Variants in KLF17 observed in about 807,000 individuals in gnomAD.
The protein encoded by KLF17 is KLF transcription factor 17.
In KLF17, 31 loss-of-function variants were observed where a neutral mutation model predicts 34.2. The ratio of observed to expected loss-of-function variants is 0.91; its 90% CI spans 0.68 to 1.22. The LOEUF is 1.22. KLF17 is among the 50% of genes most tolerant of loss of function. The pLI, the probability that KLF17 is intolerant of heterozygous loss-of-function variation, is 0.00. For missense variants in KLF17, 478 were observed against 505.2 expected (o/e 0.95, Z 0.52); for synonymous variants, 179 against 186.7 (o/e 0.96, Z 0.34).
the KLF17 span, among the ~76,000 whole-genome samples, chr1:44,069,512 G>GAGAGAAAGA: frequency 1.7e-5 from 2 of 114,548 alleles, no homozygotes; most frequent in African/African-American, 8.1e-5. The surrounding 1 kb of genome is among the most constrained non-coding windows in gnomAD (Gnocchi z 4.7). Flanking sequence ...GAGAGAGAGA[G>GAGAGAAAGA]AAGACAGGAG....
At chr1:44,080,713 A>ATTTTTTTTTTTTTT in the KLF17 span, among the ~76,000 whole-genome samples, 1 of 92,674 alleles carries the variant, frequency 1.1e-5, no homozygotes, top group African/African-American at 4.8e-5. Flanking sequence ...ATTATATTGA[A>ATTTTTTTTTTTTTT]TTTTTTTTTT....
the KLF17 span, among the ~76,000 whole-genome samples, chr1:44,113,530 G>A: frequency 6.6e-6 from 1 of 152,172 alleles, no homozygotes; most frequent in Admixed American, 6.5e-5. Context: ...GCCAGCCTGG[G>A]TATCAGGGAA....
At position 44,127,774 on chromosome 1, in the gene KLF17, C is replaced by CT. The variant is rs1313229243; in HGVS notation, c.82-1576dup. Reference sequence around the variant, plus strand: ...CTTTTCTTTCTTTCTTCTCTTCTTTCTTTCTTCTCTTTTCTTTCTTTTCTT... The same window carrying CT: ...CTTTTCTTTCTTTCTTCTCTTCTTTCTTTTCTTCTCTTTTCTTTCTTTTCTT... On this transcript the variant is annotated intron_variant, in intron 1 of 3. Coordinates refer to ENST00000372299, the MANE Select transcript of KLF17 (RefSeq NM_173484.4). 3.7e-5 allele frequency among the ~76,000 whole-genome samples: 5 copies of CT among 133,704 alleles called. No homozygotes were observed. In the South Asian group the frequency reaches 1.2e-3, roughly 33 times the overall value. 87.7% of individuals were successfully genotyped at this position (133,704 alleles called of 152,430 possible). A position where few individuals can be genotyped will look rare whatever the true frequency, so the allele number is the denominator to read the frequency against.
chr1:44,071,091 C>A, the KLF17 span, among the ~76,000 whole-genome samples: 1 of 152,094 alleles, frequency 6.6e-6, no homozygotes, highest in East Asian at 1.9e-4. Context: ...CTGCTCCTCC[C>A]GAGGTTACCA....
chr1:44,053,194 C>A, the KLF17 span, among the ~76,000 whole-genome samples: 1 of 152,152 alleles, frequency 6.6e-6, no homozygotes, highest in African/African-American at 2.4e-5. Context: ...AGCCACTGCA[C>A]CCGGCCTCAT....
chr1:44,093,636 C>T, the KLF17 span, among the ~76,000 whole-genome samples: 5 of 152,322 alleles, frequency 3.3e-5, no homozygotes, highest in African/African-American at 1.2e-4. Flanking sequence ...TTCAAGTGAT[C>T]CACCTGCCTC....
rs770985004 is a variant in KLF17 at position 44,129,503 on chromosome 1, C to G, written c.232C>G (p.Pro78Ala). 6.2e-7 allele frequency: 1 copy of G among 1,612,740 alleles called. No homozygotes were observed. Among genetic ancestry groups the G allele is most frequent in the Non-Finnish European group, 8.5e-7 (1 of 1,179,240 alleles). The change falls in exon 2 of 4, where the codon CCG becomes GCG. Residue 78 changes from proline (P) to alanine (A), a missense_variant. By Grantham distance (27) the Pro-to-Ala change is conservative. Transcript: ENST00000372299. ...LGSPLVSVEA[P>A]GQNVNEGGPQ... ...GTCCCCTTTGGTGTCTGTTGAGGCG[C>G]CGGGGCAGAATGTGAATGAAGGGGG...
At chr1:44,099,747 G>A in the KLF17 span, among the ~76,000 whole-genome samples, 4 of 131,494 alleles carry the variant, frequency 3.0e-5, no homozygotes, top group Non-Finnish European at 6.8e-5. Flanking sequence ...CCAGGTGGCG[G>A]AGGTTGTGGT....
At chr1:44,078,570 T>C in the KLF17 span, among the ~76,000 whole-genome samples, 1 of 152,032 alleles carries the variant, frequency 6.6e-6, no homozygotes, top group African/African-American at 2.4e-5. Context: ...CCTGAGTAGC[T>C]GGGACTATAG....
the KLF17 span, chr1:44,104,538 T>C: frequency 1.4e-6 from 1 of 698,462 alleles, no homozygotes. Flanking sequence ...GAGATCCACC[T>C]CCTAAGGGGG....
chr1:44,086,110 C>T, the KLF17 span, among the ~76,000 whole-genome samples: 2 of 152,248 alleles, frequency 1.3e-5, no homozygotes, highest in East Asian at 3.9e-4. Flanking sequence ...CTGGGAAGAC[C>T]AGATGGAGGG....
chr1:44,126,780 G>A (rs148763878), intron 1 of KLF17, among the ~76,000 whole-genome samples: 32 of 152,242 alleles, frequency 2.1e-4, no homozygotes, highest in African/African-American at 7.2e-4. Flanking sequence ...AGAGGCACAC[G>A]TTGTTATTAC....
chr1:44,073,905 T>C, the KLF17 span, among the ~76,000 whole-genome samples: 1 of 152,214 alleles, frequency 6.6e-6, no homozygotes, highest in Non-Finnish European at 1.5e-5. Context: ...ACAAATTTAT[T>C]TTCTGTTTTC....
chr1:44,095,811 G>GGT, the KLF17 span, among the ~76,000 whole-genome samples: 1 of 149,242 alleles, frequency 6.7e-6, no homozygotes. Context: ...CTTTCTTGGG[G>GGT]TTTTTTTTTC....
In KLF17 at chr1:44,129,566, A is replaced by G. The variant is rs757403692; in HGVS notation, c.295A>G (p.Ser99Gly). ...FSMPLPERGM[S>G]YCPQATLTPS... is the part of the protein sequence containing the mutation. Reference sequence around the variant, plus strand: ...TATGCCACTGCCTGAGCGTGGTATGAGCTACTGCCCCCAAGCGACTCTCAC... The same window carrying G: ...TATGCCACTGCCTGAGCGTGGTATGGGCTACTGCCCCCAAGCGACTCTCAC... Residue 99 changes from serine to glycine, a missense_variant, in exon 2 of 4, where the codon AGC (serine) becomes GGC (glycine). Coordinates refer to ENST00000372299, the MANE Select transcript of KLF17 (RefSeq NM_173484.4). The G allele has an allele frequency of 3.7e-6, 6 of 1,613,826 alleles. No individual in the cohort carries two copies. Among genetic ancestry groups the G allele is most frequent in the Admixed American group, 3.3e-5 (2 of 59,954 alleles).
At chr1:44,068,609 T>C in the KLF17 span, among the ~76,000 whole-genome samples, 1 of 152,218 alleles carries the variant, frequency 6.6e-6, no homozygotes, top group African/African-American at 2.4e-5. Context: ...GTGGGCAGTT[T>C]TTCCCAAGCT....
intron 1 of KLF17, among the ~76,000 whole-genome samples, chr1:44,126,271 C>T (rs750633502): frequency 1.4e-4 from 22 of 151,870 alleles, no homozygotes; most frequent in Non-Finnish European, 2.5e-4. Flanking sequence ...GCGATCCACC[C>T]GCCTCGGCCT....
chr1:44,117,652 C>T (rs1347548942), upstream of KLF17, among the ~76,000 whole-genome samples: 4 of 151,890 alleles, frequency 2.6e-5, no homozygotes, highest in Non-Finnish European at 4.4e-5. Context: ...CGCGCCACCA[C>T]GCCTGGCTAA....
chr1:44,130,326 C>A, intron 2 of KLF17, 130 bp downstream of exon 2: 1 of 1,438,114 alleles, frequency 7.0e-7, no homozygotes, highest in Non-Finnish European at 9.4e-7. Context: ...TAGACTGGCC[C>A]CCCGACTTGC....
Sources: allele counts gnomAD v4.1 joint callset (sites outside exome capture counted in the v4.1 genomes callset), GRCh38; gene constraint gnomAD v4.1.1; non-coding constraint Gnocchi (gnomAD v3.1); transcripts MANE v1.5; gene names NCBI Gene and HGNC (gene_info 2026-07-23, HGNC 2026-07-21).